PIP: variants seen among roughly 807,000 people sequenced by gnomAD.
PIP encodes the protein prolactin induced protein, also known as prolactin-inducible protein.
PIP carries 9 observed loss-of-function variants against 12.8 expected under a neutral mutation model. The ratio of observed to expected loss-of-function variants is 0.70; its 90% CI spans 0.42 to 1.23. PIP has a LOEUF of 1.23. PIP is among the 50% of genes most tolerant of loss of function. PIP has a pLI of 0.00. For synonymous variants in PIP, 60 were observed against 66.1 expected (o/e 0.91, Z 0.45); for missense variants, 172 against 179.5 (o/e 0.96, Z 0.24).
chr7:143,137,120 C>A (rs917944774), intron 2 of PIP, among the ~76,000 whole-genome samples: 12 of 151,838 alleles, frequency 7.9e-5, no homozygotes, highest in African/African-American at 2.4e-4. Flanking sequence ...TACCTACAAT[C>A]GTATATTTGA....
At position 143,139,066 on chromosome 7, in the gene PIP, C is replaced by A. The variant is rs531284948; in HGVS notation, c.202-9C>A. 20 of 1,321,116 alleles carry A rather than the reference C, an allele frequency of 1.5e-5. No homozygotes were observed. Among genetic ancestry groups the A allele is most frequent in the African/African-American group, 7.5e-5 (5 of 66,844 alleles). The allele number at this position is 1,321,116 out of a possible 1,614,324, so 81.8% of individuals were successfully genotyped here. A position where few individuals can be genotyped will look rare whatever the true frequency, so the allele number is the denominator to read the frequency against. On this transcript the variant is annotated splice_polypyrimidine_tract_variant and intron_variant, in intron 2 of 3. Transcript: ENST00000291009. ...CAATGAATTCCCCCTCCCACCTTCT[C>A]CTCACCAGGTTAAAACTTACCTCAT...
chr7:143,139,286 G>T, intron 3 of PIP, 97 bp downstream of exon 3: 1 of 883,718 alleles, frequency 1.1e-6, no homozygotes, highest in South Asian at 1.3e-5. Flanking sequence ...GCAGGACCAG[G>T]ACCTCAGGGC....
chr7:143,139,709 T>G lies in PIP; in HGVS notation c.*67T>G, dbSNP rs967071741. On this transcript the variant is annotated 3_prime_UTR_variant, in exon 4 of 4. Transcript: ENST00000291009. ...AAAGAAACTTGGCTGGAATTTCTGCTGTGGTCTATAAAATAAACTTCTTAA... is the reference window on the plus strand; with the variant it reads ...AAAGAAACTTGGCTGGAATTTCTGCGGTGGTCTATAAAATAAACTTCTTAA... 16 of 1,496,830 alleles carry G rather than the reference T, an allele frequency of 1.1e-5. No homozygotes were observed. The highest frequency in any genetic ancestry group is 1.4e-5 in the African/African-American group (1 of 72,264). 92.7% of individuals were successfully genotyped at this position (1,496,830 alleles called of 1,614,324 possible). A position where few individuals can be genotyped will look rare whatever the true frequency, so the allele number is the denominator to read the frequency against.
At chr7:143,132,389 A>G (rs1416483012) in intron 1 of PIP, among the ~76,000 whole-genome samples, 178 bp downstream of exon 1, 2 of 151,700 alleles carry the variant, frequency 1.3e-5, no homozygotes, top group African/African-American at 4.8e-5. Flanking sequence ...AGCCCCACCA[A>G]CTCCTCTCAC....
In PIP at chr7:143,135,205, T is replaced by A; in HGVS notation, c.107T>A (p.Ile36Lys). The A allele has an allele frequency of 1.7e-5, 27 of 1,562,040 alleles. No individual in the cohort carries two copies. Among genetic ancestry groups the A allele is most frequent in the Non-Finnish European group, 2.4e-5 (27 of 1,132,780 alleles). The change falls in exon 2 of 4, where the codon ATA becomes AAA. Residue 36 changes from isoleucine (I) to lysine (K), a missense_variant. Transcript: ENST00000291009. Reference sequence around the variant, plus strand: ...CTTCCCACAATCAGTCGGAAGATCATAATAAAGAATTTTGACATTCCCAAG... The same window carrying A: ...CTTCCCACAATCAGTCGGAAGATCAAAATAAAGAATTTTGACATTCCCAAG... ...NKAQDNTRKI[I>K]IKNFDIPKSV...
At chr7:143,133,065 G>A (rs1430362523) in intron 1 of PIP, among the ~76,000 whole-genome samples, 4 of 151,966 alleles carry the variant, frequency 2.6e-5, no homozygotes, top group African/African-American at 4.8e-5. Context: ...ATGGGGACAG[G>A]TTCAGATCCC....
At chr7:143,135,420 A>G in intron 2 of PIP, 121 bp downstream of exon 2, 1 of 499,484 alleles carries the variant, frequency 2.0e-6, no homozygotes, top group Non-Finnish European at 3.6e-6. Flanking sequence ...CACTTATGTT[A>G]TGCTACTTGA....
rs1182481912 is a variant in PIP at position 143,134,615 on chromosome 7, T to TTGC, written c.96-576_96-574dup. On this transcript the variant is annotated intron_variant, in intron 1 of 3. Transcript: ENST00000291009. ...ATTTGCATTTCCCTGATCAAGAGGT[T>TTGC]TGCTGGTTTAATGTGATTCTGTTGC... Among the ~76,000 whole-genome samples, 5 of 151,940 alleles carry TTGC rather than the reference T, an allele frequency of 3.3e-5. No homozygotes were observed. In the East Asian group the frequency reaches 7.7e-4, roughly 24 times the overall value.
chr7:143,135,816 G>C (rs956130437), intron 2 of PIP, among the ~76,000 whole-genome samples: 1 of 151,986 alleles, frequency 6.6e-6, no homozygotes. Context: ...TCTTGTTCCA[G>C]CCTCCCCACC....
At chr7:143,132,266 C>T in intron 1 of PIP, 55 bp downstream of exon 1, 1 of 1,592,036 alleles carries the variant, frequency 6.3e-7, no homozygotes, top group African/African-American at 1.3e-5. Context: ...GGCTCCTCTC[C>T]CAGTCTGGAA....
At position 143,132,104 on chromosome 7, in the gene PIP, T is replaced by C. The variant is rs778287142; in HGVS notation, c.-13T>C. The C allele has an allele frequency of 1.9e-6, 3 of 1,612,888 alleles. No homozygotes were observed. Among genetic ancestry groups the C allele is most frequent in the Non-Finnish European group, 2.5e-6 (3 of 1,179,024 alleles). ...CACTTCTCTGGGACACATTGCCTTC[T>C]GTTTTCTCCAGCATGCGCTTGCTCC... On this transcript the variant is annotated 5_prime_UTR_variant, in exon 1 of 4. Coordinates refer to ENST00000291009, the MANE Select transcript of PIP (RefSeq NM_002652.3).
intron 3 of PIP, 107 bp downstream of exon 3, chr7:143,139,296 CAGA>C (rs1452281014): frequency 9.5e-6 from 8 of 838,436 alleles, no homozygotes; most frequent in African/African-American, 1.7e-5. Flanking sequence ...GACCTCAGGG[CAGA>C]AGGACAGAAG....
In PIP at chr7:143,135,268, C is replaced by A; in HGVS notation, c.170C>A (p.Ala57Glu). 1.9e-6 allele frequency: 3 copies of A among 1,594,426 alleles called. No individual in the cohort carries two copies. The highest frequency in any genetic ancestry group is 2.6e-6 in the Non-Finnish European group (3 of 1,162,130). Residue 57 changes from alanine to glutamate, a missense_variant, in exon 2 of 4, where the codon GCA becomes GAA. Coordinates refer to ENST00000291009, the MANE Select transcript of PIP (RefSeq NM_002652.3). ...AATGACGAAGTCACTGCAGTGCTTG[C>A]AGTTCAAACAGAATTGAAAGAATGC... ...RPNDEVTAVL[A>E]VQTELKECMV...
Position 143,132,183 on chromosome 7 carries a change from T to C in PIP, c.67T>C (p.Leu23=), listed in dbSNP as rs145650295. The change falls in exon 1 of 4, where the codon TTG becomes CTG. Residue 23 remains leucine (L), a synonymous_variant. Transcript: ENST00000291009. ...ATLLLVLCLQ[L]GANKAQDNTR... Reference sequence around the variant, plus strand: ...CCTGCTCCTGGTTCTCTGCCTGCAGTTGGGGGCCAACAAAGCTCAGGACAA... The same window carrying C: ...CCTGCTCCTGGTTCTCTGCCTGCAGCTGGGGGCCAACAAAGCTCAGGACAA... 5.4e-5 allele frequency: 87 copies of C among 1,613,584 alleles called. 1 individual carries two copies. In the East Asian group the frequency reaches 1.9e-3, roughly 36 times the overall value.
Position 143,139,086 on chromosome 7 carries a change from C to T in PIP, c.213C>T (p.Tyr71=), listed in dbSNP as rs774205062. The T allele has an allele frequency of 2.6e-6, 4 of 1,551,924 alleles. No homozygotes were observed. The highest frequency in any genetic ancestry group is 3.6e-6 in the Non-Finnish European group (4 of 1,122,766). The change falls in exon 3 of 4, where the codon TAC becomes TAT. Residue 71 remains tyrosine, a synonymous_variant. Transcript: ENST00000291009. ...ELKECMVVKT[Y]LISSIPLQGA... The stretch of plus-strand genomic sequence containing the variant: ...CTTCTCCTCACCAGGTTAAAACTTA[C>T]CTCATTAGCAGCATCCCTCTACAAG...
chr7:143,136,242 A>G (rs1799308716), intron 2 of PIP, among the ~76,000 whole-genome samples: 2 of 152,002 alleles, frequency 1.3e-5, no homozygotes, highest in Non-Finnish European at 2.9e-5. Context: ...GCCAAGACCC[A>G]TGCATCTCCC....
In PIP at chr7:143,139,706, T is replaced by C. The variant is rs1799349799; in HGVS notation, c.*64T>C. ...TCTAAAGAAACTTGGCTGGAATTTC[T>C]GCTGTGGTCTATAAAATAAACTTCT... On this transcript the variant is annotated 3_prime_UTR_variant, in exon 4 of 4. Transcript: ENST00000291009. The C allele has an allele frequency of 6.7e-7, 1 of 1,500,948 alleles. No individual in the cohort carries two copies. Among genetic ancestry groups the C allele is most frequent in the South Asian group, 1.2e-5 (1 of 86,604 alleles). 93.0% of individuals were successfully genotyped at this position (1,500,948 alleles called of 1,614,324 possible). A position where few individuals can be genotyped will look rare whatever the true frequency, so the allele number is the denominator to read the frequency against.
rs988011177 is a variant in PIP at position 143,139,172 on chromosome 7, G to T, written c.299G>T (p.Trp100Leu). The change falls in exon 3 of 4, where the codon TGG becomes TTG. Residue 100 changes from tryptophan to leucine, a missense_variant. Coordinates refer to ENST00000291009, the MANE Select transcript of PIP (RefSeq NM_002652.3). Reference protein sequence around the residue: ...LCDDNPKTFYWDFYTNRTVQI... With the variant: ...LCDDNPKTFYLDFYTNRTVQI... ...GACGACAATCCAAAAACCTTCTACT[G>T]GGACTTTTACACCAACAGTAAGTAC... is the stretch of plus-strand genomic sequence containing the variant. The T allele has an allele frequency of 6.3e-7, 1 of 1,581,310 alleles. No homozygotes were observed. The highest frequency in any genetic ancestry group is 1.7e-5 in the Admixed American group (1 of 59,956).
chr7:143,135,317 G>C lies in PIP; in HGVS notation c.201+18G>C. On this transcript the variant is annotated intron_variant, in intron 2 of 3. Transcript: ENST00000291009. Reference sequence around the variant, plus strand: ...GCATGGTGGTAAGTAGAGGACTGGGGGCGTGACTTCAAAAGATAATTCAAC... The same window carrying C: ...GCATGGTGGTAAGTAGAGGACTGGGCGCGTGACTTCAAAAGATAATTCAAC... 1 of 1,186,816 alleles carries C rather than the reference G, an allele frequency of 8.4e-7. No homozygotes were observed. The highest frequency in any genetic ancestry group is 1.3e-6 in the Non-Finnish European group (1 of 794,246). 73.5% of individuals were successfully genotyped at this position (1,186,816 alleles called of 1,614,324 possible). A position where few individuals can be genotyped will look rare whatever the true frequency, so the allele number is the denominator to read the frequency against.
Sources: allele counts gnomAD v4.1 joint callset (sites outside exome capture counted in the v4.1 genomes callset), GRCh38; gene constraint gnomAD v4.1.1; transcripts MANE v1.5; gene names NCBI Gene and HGNC (gene_info 2026-07-23, HGNC 2026-07-21).